CRADD: variants seen among roughly 807,000 people sequenced by gnomAD.
The protein encoded by CRADD is CARD and death domain containing adaptor protein, also known as death domain-containing protein CRADD.
Under a neutral mutation model 15.5 loss-of-function variants are expected in CRADD, and 9 were observed. The observed-to-expected ratio is 0.58, with a 90% CI of 0.35 to 1.01. The LOEUF (loss-of-function observed/expected upper bound fraction) is 1.01, where lower values mean the gene tolerates loss of function less well. Among genes scored for constraint, CRADD ranks in the 50% least tolerant of loss-of-function variants. The pLI is 0.02. For missense variants in CRADD, 227 were observed against 250.3 expected (o/e 0.91, Z 0.63); for synonymous variants, 118 against 107.6 (o/e 1.10, Z -0.60).
chr12:93,781,368 C>G (rs1192190306), intron 2 of CRADD, among the ~76,000 whole-genome samples: 2 of 152,226 alleles, frequency 1.3e-5, no homozygotes, highest in Non-Finnish European at 2.9e-5. Context: ...ACATCCACCC[C>G]TGCTTTCCTA....
chr12:93,719,662 A>G (rs2136884279), intron 2 of CRADD, among the ~76,000 whole-genome samples: 1 of 152,266 alleles, frequency 6.6e-6, no homozygotes, highest in Middle Eastern at 3.4e-3. Flanking sequence ...TTTGTGTGTG[A>G]GTATTGGCAG....
At chr12:93,715,322 A>T (rs1956143163) in intron 2 of CRADD, among the ~76,000 whole-genome samples, 1 of 152,232 alleles carries the variant, frequency 6.6e-6, no homozygotes, top group Admixed American at 6.5e-5. Context: ...ATATGTCCAT[A>T]ACAGTAGTTA....
chr12:93,681,010 G>C (rs957462628), intron 2 of CRADD, among the ~76,000 whole-genome samples: 42 of 151,806 alleles, frequency 2.8e-4, no homozygotes, highest in African/African-American at 9.7e-4. Flanking sequence ...TCAGCCTCCC[G>C]AGTAGCTGGG....
chr12:93,866,398 A>G (rs888483950), intron 2 of CRADD, among the ~76,000 whole-genome samples: 3 of 152,140 alleles, frequency 2.0e-5, no homozygotes, highest in African/African-American at 7.2e-5. Flanking sequence ...AATTTATAAC[A>G]TAATGTTTTT....
intron 2 of CRADD, among the ~76,000 whole-genome samples, chr12:93,891,159 CTG>C (rs1433057307): frequency 1.3e-5 from 2 of 152,150 alleles, no homozygotes; most frequent in African/African-American, 4.8e-5. Flanking sequence ...CTCCTGAGGG[CTG>C]TGTCACAGGC....
chr12:93,794,493 C>T (rs1957391472), intron 2 of CRADD, among the ~76,000 whole-genome samples: 1 of 152,130 alleles, frequency 6.6e-6, no homozygotes, highest in Non-Finnish European at 1.5e-5. Context: ...CTTTTTCCCT[C>T]ATATCCCACA....
intron 2 of CRADD, among the ~76,000 whole-genome samples, chr12:93,780,790 G>C (rs1369150685): frequency 2.0e-5 from 3 of 151,512 alleles, no homozygotes; most frequent in African/African-American, 7.3e-5. Flanking sequence ...GCCCAGGCTG[G>C]AGTGCAGTGG....
downstream of CRADD, among the ~76,000 whole-genome samples, chr12:93,853,683 G>T (rs1410354379): frequency 1.3e-5 from 2 of 152,276 alleles, no homozygotes; most frequent in East Asian, 3.9e-4. Flanking sequence ...CAGCAAGATG[G>T]CCTCTACACT....
rs944529586 is a variant in CRADD, at chr12:93,701,257, C to T, written c.298+22185C>T. 6.6e-5 allele frequency among the ~76,000 whole-genome samples: 10 copies of T among 151,384 alleles called. No homozygotes were observed. The Admixed American group carries it at 6.6e-4, about 10-fold the overall frequency. On this transcript the variant is annotated intron_variant, in intron 2 of 2. Transcript: ENST00000332896. ...ATTTTTCCCTTCTCCTCCTCTTCCT[C>T]CTGTTTCTCCTCCATATCCTTCTCT...
intron 2 of CRADD, among the ~76,000 whole-genome samples, chr12:93,774,367 A>G (rs1957119805): frequency 6.6e-6 from 1 of 152,140 alleles, no homozygotes; most frequent in Non-Finnish European, 1.5e-5. Flanking sequence ...CCCTTCTTTT[A>G]TAGATGAGGA....
intron 2 of CRADD, among the ~76,000 whole-genome samples, chr12:93,871,612 A>G (rs1958420858): frequency 6.6e-6 from 1 of 152,070 alleles, no homozygotes; most frequent in African/African-American, 2.4e-5. Context: ...CTCTATGTCC[A>G]GGAGTTTAAT....
rs185420205 is a variant in CRADD at position 93,830,933 on chromosome 12, A to G, written c.299-19037A>G. ...TAGCACCTAAAATGTACTTGGCAAT[A>G]TAGCAGGCCTCAATTAATATTTGCT... On this transcript the variant is annotated intron_variant, in intron 2 of 2. Transcript: ENST00000332896. 49 of 152,352 alleles carry G rather than the reference A, an allele frequency of 3.2e-4. No homozygotes were observed. In the East Asian group the frequency reaches 8.3e-3, roughly 26 times the overall value. 9.4% of individuals were successfully genotyped at this position (152,352 alleles called of 1,614,324 possible). A position where few individuals can be genotyped will look rare whatever the true frequency, so the allele number is the denominator to read the frequency against.
chr12:93,809,201 A>C (rs1387648871), intron 2 of CRADD, among the ~76,000 whole-genome samples: 1 of 152,224 alleles, frequency 6.6e-6, no homozygotes, highest in African/African-American at 2.4e-5. Context: ...GGTGTGAGCC[A>C]CTGTGCCCAG....
intron 2 of CRADD, among the ~76,000 whole-genome samples, chr12:93,807,557 C>A (rs753691599): frequency 1.3e-5 from 2 of 151,964 alleles, no homozygotes; most frequent in Non-Finnish European, 2.9e-5. Context: ...CCAGAGACAT[C>A]CTGGTAATCA....
At chr12:93,813,681 C>T (rs1445619473) in intron 2 of CRADD, among the ~76,000 whole-genome samples, 2 of 151,882 alleles carry the variant, frequency 1.3e-5, no homozygotes, top group African/African-American at 4.8e-5. Flanking sequence ...CAAGTCCCAG[C>T]AACAAGGGAC....
chr12:93,791,904 T>A (rs1251126046), intron 2 of CRADD, among the ~76,000 whole-genome samples: 2 of 151,682 alleles, frequency 1.3e-5, no homozygotes, highest in African/African-American at 4.8e-5. Context: ...GATTTTTTTT[T>A]TTTTTTTTTT....
chr12:93,833,179 CAA>C (rs1957929815), intron 2 of CRADD, among the ~76,000 whole-genome samples: 2 of 152,160 alleles, frequency 1.3e-5, no homozygotes, highest in South Asian at 4.2e-4. Context: ...TAAAAAGAAA[CAA>C]ATCATAAATT....
chr12:93,889,890 A>T (rs1048285177), intron 2 of CRADD, among the ~76,000 whole-genome samples: 3 of 152,170 alleles, frequency 2.0e-5, no homozygotes, highest in African/African-American at 7.2e-5. Flanking sequence ...GAGCAGTGAG[A>T]TTATTTTTCT....
intron 2 of CRADD, among the ~76,000 whole-genome samples, chr12:93,830,162 C>T (rs937747869): frequency 2.0e-5 from 3 of 152,182 alleles, no homozygotes; most frequent in South Asian, 2.1e-4. Flanking sequence ...CCTACTCTCA[C>T]CTGAATCTGC....
Sources: allele counts gnomAD v4.1 joint callset (sites outside exome capture counted in the v4.1 genomes callset), GRCh38; gene constraint gnomAD v4.1.1; transcripts MANE v1.5; gene names NCBI Gene and HGNC (gene_info 2026-07-23, HGNC 2026-07-21).